TUB: variants seen among roughly 807,000 people sequenced by gnomAD.
The protein encoded by TUB is TUB bipartite transcription factor, also known as tubby protein homolog.
TUB carries 33 observed loss-of-function variants against 59.7 expected under a neutral mutation model. The observed-to-expected ratio is 0.55, with a 90% CI of 0.42 to 0.74. The LOEUF is 0.74. Among genes scored for constraint, TUB ranks in the 30% least tolerant of loss-of-function variants. TUB has a pLI of 0.00. For missense variants in TUB, 659 were observed against 672.0 expected, an observed-to-expected ratio of 0.98 and a Z score of 0.21; for synonymous variants, 293 against 256.4, an observed-to-expected ratio of 1.14 and a Z score of -1.36.
intron 2 of TUB, among the ~76,000 whole-genome samples, chr11:8,070,076 C>T (rs961298309): frequency 5.9e-5 from 9 of 152,302 alleles, no homozygotes; most frequent in African/African-American, 1.7e-4. Context: ...TCACAGAGCC[C>T]ACGTTCACAA....
chr11:8,084,070 C>G (rs1943622292), intron 1 of TUB, among the ~76,000 whole-genome samples: 1 of 152,172 alleles, frequency 6.6e-6, no homozygotes, highest in Non-Finnish European at 1.5e-5. Flanking sequence ...CATGCACGTG[C>G]TTTGACTGGT....
rs1171713668 is a variant in TUB, at chr11:8,098,860, G to A, written c.1101G>A (p.Leu367=). The stretch of plus-strand genomic sequence containing the variant: ...AAAGTGGAACCTTACGTCAGGAGCT[G>A]GCAGCTGTGTGCTACGTGAGTCCTA... ...TLESGTLRQE[L]AAVCYETNVL... is the part of the protein sequence containing the mutation. Residue 367 remains leucine (L), a synonymous_variant, in exon 9 of 12, where the codon CTG becomes CTA. Coordinates refer to ENST00000299506, the MANE Select transcript of TUB (RefSeq NM_177972.3). 1 of 1,613,876 alleles carries A rather than the reference G, an allele frequency of 6.2e-7. No individual in the cohort carries two copies. The highest frequency in any genetic ancestry group is 2.2e-5 in the East Asian group (1 of 44,874).
intron 1 of TUB, among the ~76,000 whole-genome samples, chr11:8,019,840 C>T (rs1209470688): frequency 1.3e-5 from 2 of 152,062 alleles, no homozygotes; most frequent in Non-Finnish European, 2.9e-5. Context: ...GTCCCGCTGG[C>T]TGCCGGGGAC....
At chr11:8,021,276 A>G (rs772103296) in intron 1 of TUB, among the ~76,000 whole-genome samples, 1 of 152,154 alleles carries the variant, frequency 6.6e-6, no homozygotes, top group African/African-American at 2.4e-5. Flanking sequence ...CCTGGCCAAC[A>G]TGGTGAAACC....
chr11:8,031,246 T>G (rs889387378), intron 1 of TUB, among the ~76,000 whole-genome samples: 1 of 149,790 alleles, frequency 6.7e-6, no homozygotes, highest in African/African-American at 2.4e-5. Context: ...TCTTTTGCCC[T>G]GCATTTGGTG....
chr11:8,089,300 C>T (rs1029830474), intron 1 of TUB, among the ~76,000 whole-genome samples: 1 of 152,150 alleles, frequency 6.6e-6, no homozygotes, highest in Non-Finnish European at 1.5e-5. Flanking sequence ...GGATAGTTCT[C>T]TTGGATCTCA....
chr11:8,029,389 T>TTTC (rs1491519228), intron 1 of TUB, among the ~76,000 whole-genome samples: 106 of 5,224 alleles, frequency 0.02, no homozygotes, highest in African/African-American at 0.03. Context: ...TCTTTCTTTC[T>TTTC]TTTTTTTTTT....
chr11:8,039,459 G>T, intron 1 of TUB: 1 of 441,542 alleles, frequency 2.3e-6, no homozygotes, highest in African/African-American at 2.1e-5. Context: ...GCCATCCGGG[G>T]CCCACAGAGT....
At chr11:8,092,796 C>T (rs1457122731) in intron 3 of TUB, among the ~76,000 whole-genome samples, 2 of 152,142 alleles carry the variant, frequency 1.3e-5, no homozygotes, top group Non-Finnish European at 2.9e-5. Flanking sequence ...AGGCCACTCC[C>T]ACCCCGCCTA....
At chr11:8,096,620 T>A in intron 5 of TUB, 65 bp from the exon 6 acceptor site, 1 of 1,057,750 alleles carries the variant, frequency 9.5e-7, no homozygotes, top group Non-Finnish European at 1.5e-6. Context: ...TATGTGACCA[T>A]GTGTATTTCA....
At chr11:8,073,454 C>G (rs1943393670) in intron 2 of TUB, among the ~76,000 whole-genome samples, 1 of 152,066 alleles carries the variant, frequency 6.6e-6, no homozygotes. Context: ...AAAAACAGGT[C>G]AAAAACACAA....
upstream of TUB, among the ~76,000 whole-genome samples, chr11:8,079,482 C>G (rs1213863304): frequency 6.6e-6 from 1 of 152,186 alleles, no homozygotes; most frequent in South Asian, 2.1e-4. Flanking sequence ...TTCTGCACCC[C>G]ACTCCCAGGT....
intron 1 of TUB, among the ~76,000 whole-genome samples, chr11:8,022,517 G>T (rs928762540): frequency 6.6e-6 from 1 of 152,130 alleles, no homozygotes; most frequent in Admixed American, 6.5e-5. Context: ...GCTGTTGTCC[G>T]CCTTGCTTCT....
intron 2 of TUB, among the ~76,000 whole-genome samples, chr11:8,041,509 C>T (rs980437530): frequency 6.6e-6 from 1 of 152,188 alleles, no homozygotes; most frequent in East Asian, 1.9e-4. Flanking sequence ...TTGTCTTCAA[C>T]TTGTTGAAGA....
intron 2 of TUB, among the ~76,000 whole-genome samples, chr11:8,063,672 A>T (rs1316389098): frequency 6.6e-6 from 1 of 152,174 alleles, no homozygotes; most frequent in Admixed American, 6.5e-5. Flanking sequence ...ATATCTCTGT[A>T]CAAATTACTT....
chr11:8,089,938 C>T, intron 2 of TUB, 131 bp from the exon 3 acceptor site: 1 of 1,356,472 alleles, frequency 7.4e-7, no homozygotes, highest in Non-Finnish European at 9.9e-7. Context: ...GCCTCCCTTT[C>T]CTGGACCCCA....
intron 2 of TUB, chr11:8,067,658 C>A (rs904139411): frequency 6.6e-6 from 1 of 152,252 alleles, no homozygotes; most frequent in Non-Finnish European, 1.5e-5. Context: ...ACAGTGAAAA[C>A]CCCTGTCCTC....
At position 8,102,880 on chromosome 11, in the gene TUB, C is replaced by G. The variant is rs1218659008; in HGVS notation, c.*1261C>G. On this transcript the variant is annotated 3_prime_UTR_variant, in exon 12 of 12. Transcript: ENST00000299506. The stretch of plus-strand genomic sequence containing the variant: ...AGTTCTCTTGATTTCTTTGTTCCCA[C>G]TGTCCCCCAAGAAACTAGTATCTCT... 1.4e-5 allele frequency: 2 copies of G among 147,662 alleles called. No individual in the cohort carries two copies. The highest frequency in any genetic ancestry group is 4.1e-4 in the East Asian group (2 of 4,904). The allele number at this position is 147,662 out of a possible 1,614,324, so 9.1% of individuals were successfully genotyped here. A position where few individuals can be genotyped will look rare whatever the true frequency, so the allele number is the denominator to read the frequency against.
Position 8,081,567 on chromosome 11 carries a change from G to T in TUB, c.38+19G>T. On this transcript the variant is annotated intron_variant, in intron 1 of 11. Transcript: ENST00000299506. Reference sequence around the variant, plus strand: ...CCTACAGGTACGCGGGCGCCGGGCCGGGGCGCCCACCACTCCCGACTCGGG... The same window carrying T: ...CCTACAGGTACGCGGGCGCCGGGCCTGGGCGCCCACCACTCCCGACTCGGG... 1 of 1,524,946 alleles carries T rather than the reference G, an allele frequency of 6.6e-7. No individual in the cohort carries two copies. The highest frequency in any genetic ancestry group is 8.8e-7 in the Non-Finnish European group (1 of 1,139,446). The allele number at this position is 1,524,946 out of a possible 1,614,324, so 94.5% of individuals were successfully genotyped here.
Sources: allele counts gnomAD v4.1 joint callset (sites outside exome capture counted in the v4.1 genomes callset), GRCh38; gene constraint gnomAD v4.1.1; transcripts MANE v1.5; gene names NCBI Gene and HGNC (gene_info 2026-07-23, HGNC 2026-07-21).